The following TSGA10 variants were observed in gnomAD, a reference collection of about 807,000 sequenced individuals.
TSGA10 encodes testis specific 10, also known as testis-specific gene 10 protein.
In TSGA10, 43 loss-of-function variants were observed where a neutral mutation model predicts 96.6. The observed-to-expected ratio is 0.44, with a 90% CI of 0.35 to 0.57. The LOEUF is 0.57. Ranked by LOEUF, TSGA10 falls within the 20% of genes least tolerant of loss-of-function variation. TSGA10 has a pLI of 0.01. For missense variants in TSGA10, 703 were observed against 834.4 expected, an observed-to-expected ratio of 0.84 and a Z score of 1.94; for synonymous variants, 229 against 269.9, an observed-to-expected ratio of 0.85 and a Z score of 1.48.
chr2:99,149,605 G>A (rs756421902), intron 1 of TSGA10, among the ~76,000 whole-genome samples: 13 of 151,076 alleles, frequency 8.6e-5, no homozygotes, highest in Non-Finnish European at 1.6e-4. Context: ...ACCACGCCCG[G>A]CTAATTCTTG....
intron 17 of TSGA10, among the ~76,000 whole-genome samples, chr2:99,033,487 T>C (rs1207432448): frequency 6.6e-6 from 1 of 152,216 alleles, no homozygotes; most frequent in Non-Finnish European, 1.5e-5. Flanking sequence ...GTATGACCTA[T>C]ACAGCCTGCT....
chr2:99,149,644 A>G (rs1354846364), intron 1 of TSGA10, among the ~76,000 whole-genome samples: 1 of 151,326 alleles, frequency 6.6e-6, no homozygotes, highest in Non-Finnish European at 1.5e-5. Context: ...GGGTTTCACC[A>G]TATTAGCCAG....
At chr2:99,064,823 C>T (rs1008526402) in intron 16 of TSGA10, 116 bp downstream of exon 16, 1 of 834,282 alleles carries the variant, frequency 1.2e-6, no homozygotes, top group Non-Finnish European at 1.8e-6. Context: ...TGCTACAATT[C>T]ACAGTACATT....
rs186951329 is a variant in TSGA10 at position 99,090,528 on chromosome 2, A to C, written c.612-9131T>G. Among the ~76,000 whole-genome samples the C allele has an allele frequency of 2.2e-3, 333 of 152,300 alleles. 2 individuals are homozygous for C. Among genetic ancestry groups the C allele is most frequent in the Non-Finnish European group, 3.6e-3 (247 of 68,030 alleles). On this transcript the variant is annotated intron_variant, in intron 10 of 20. Transcript: ENST00000393483. ...TGTAATTTAATGAAATAAAAAAATG[A>C]TACAAGATATGAGGGAAGAAATCTT...
At chr2:99,141,186 C>T in intron 1 of TSGA10, 1 of 1,217,872 alleles carries the variant, frequency 8.2e-7, no homozygotes, top group Non-Finnish European at 1.1e-6. Context: ...ACAAGAACCG[C>T]CCACTCTCCA....
At chr2:99,043,585 T>A (rs750317389) in intron 16 of TSGA10, among the ~76,000 whole-genome samples, 5 of 152,070 alleles carry the variant, frequency 3.3e-5, no homozygotes, top group African/African-American at 4.8e-5. Context: ...ATCAGACACA[T>A]CATTATAAAA....
intron 20 of TSGA10, among the ~76,000 whole-genome samples, chr2:99,007,123 CAT>C (rs751458172): frequency 4.6e-4 from 68 of 149,162 alleles, no homozygotes; most frequent in Middle Eastern, 6.9e-3. Flanking sequence ...AGGGGAGCAT[CAT>C]ACACTGGGGC....
chr2:99,052,341 C>T (rs2083474788), intron 16 of TSGA10, among the ~76,000 whole-genome samples: 1 of 151,940 alleles, frequency 6.6e-6, no homozygotes, highest in South Asian at 2.1e-4. Flanking sequence ...CAATTATATG[C>T]CAACAAATTG....
intron 4 of TSGA10, among the ~76,000 whole-genome samples, chr2:99,113,973 A>G (rs2092029034): frequency 6.6e-6 from 1 of 152,230 alleles, no homozygotes; most frequent in Non-Finnish European, 1.5e-5. Context: ...AAGGTTTCAA[A>G]GTAATTACAT....
intron 1 of TSGA10, among the ~76,000 whole-genome samples, chr2:99,145,113 A>G (rs574111358): frequency 6.6e-6 from 1 of 152,162 alleles, no homozygotes; most frequent in African/African-American, 2.4e-5. Context: ...GCTCTAGGGG[A>G]AAATCCCCTT....
At chr2:99,087,203 CA>C (rs1157185525) in intron 10 of TSGA10, among the ~76,000 whole-genome samples, 18 of 142,576 alleles carry the variant, frequency 1.3e-4, no homozygotes, top group Non-Finnish European at 1.7e-4. Flanking sequence ...CACTCCGTCT[CA>C]AAAAAAAAAA....
chr2:99,114,399 G>A (rs1481413774), intron 4 of TSGA10, among the ~76,000 whole-genome samples: 2 of 152,008 alleles, frequency 1.3e-5, no homozygotes, highest in East Asian at 1.9e-4. Flanking sequence ...ACTTAACTGA[G>A]GTTGGTGATT....
intron 3 of TSGA10, 56 bp from the exon 4 acceptor site, chr2:99,117,815 G>A (rs1225207414): frequency 2.3e-6 from 2 of 864,892 alleles, no homozygotes; most frequent in Non-Finnish European, 2.8e-6. Flanking sequence ...TTTTTCTGGG[G>A]AGCAGCTGTG....
At chr2:99,154,133 T>A (rs1376080977) in intron 1 of TSGA10, among the ~76,000 whole-genome samples, 2 of 152,178 alleles carry the variant, frequency 1.3e-5, no homozygotes, top group African/African-American at 4.8e-5. Context: ...AATAAGGCTA[T>A]CTTGGACCGC....
At chr2:99,065,897 G>A (rs1308831883) in intron 15 of TSGA10, among the ~76,000 whole-genome samples, 3 of 151,758 alleles carry the variant, frequency 2.0e-5, no homozygotes, top group Non-Finnish European at 1.5e-5. Context: ...AAATAAGGAG[G>A]GAAAAAAATT....
intron 10 of TSGA10, among the ~76,000 whole-genome samples, chr2:99,096,287 T>C (rs984097933): frequency 1.3e-5 from 2 of 152,212 alleles, no homozygotes; most frequent in African/African-American, 4.8e-5. Flanking sequence ...AGCAAGCATG[T>C]TTTTTATGTC....
intron 20 of TSGA10, among the ~76,000 whole-genome samples, chr2:99,014,206 A>G (rs2079282008): frequency 6.6e-6 from 1 of 152,010 alleles, no homozygotes; most frequent in African/African-American, 2.4e-5. Context: ...ATTGTGACGC[A>G]TGCCTGTATT....
chr2:99,123,927 C>T (rs1031106171), intron 2 of TSGA10, among the ~76,000 whole-genome samples: 6 of 152,184 alleles, frequency 3.9e-5, no homozygotes, highest in Non-Finnish European at 5.9e-5. Context: ...GTGAATAATG[C>T]TGCTATGAGC....
At chr2:99,054,559 T>C (rs1030694558) in intron 16 of TSGA10, among the ~76,000 whole-genome samples, 1 of 151,974 alleles carries the variant, frequency 6.6e-6, no homozygotes, top group African/African-American at 2.4e-5. Flanking sequence ...CAAAGAAAAG[T>C]GTGAAGAGAA....
Sources: gnomAD v4.1 joint callset for allele counts (sites outside exome capture counted in the v4.1 genomes callset) on GRCh38, gnomAD v4.1.1 for gene constraint, MANE v1.5 for transcripts, NCBI Gene and HGNC (gene_info 2026-07-23, HGNC 2026-07-21) for gene names.